IBTK: variants seen among roughly 807,000 people sequenced by gnomAD.
IBTK encodes the protein BTK-binding protein.
Under a neutral mutation model 154.9 loss-of-function variants are expected in IBTK, and 83 were observed. The observed-to-expected ratio is 0.54, with a 90% CI of 0.45 to 0.64. The LOEUF (loss-of-function observed/expected upper bound fraction) is 0.64, where lower values mean the gene tolerates loss of function less well. IBTK is among the 30% of genes least tolerant of loss of function. The pLI is 0.00. For missense variants in IBTK, 1,332 were observed against 1,584.6 expected (o/e 0.84, Z 2.71); for synonymous variants, 515 against 536.1 (o/e 0.96, Z 0.54).
chr6:82,194,674 C>T (rs1768913849), intron 22 of IBTK, 32 bp from the exon 23 acceptor site: 2 of 1,522,206 alleles, frequency 1.3e-6, no homozygotes, highest in Non-Finnish European at 1.8e-6. Context: ...AAAAAGTTAA[C>T]AGGCACCTAG....
intron 2 of IBTK, among the ~76,000 whole-genome samples, chr6:82,237,442 C>T (rs1770757429): frequency 1.3e-5 from 2 of 151,746 alleles, no homozygotes; most frequent in Non-Finnish European, 2.9e-5. Context: ...TGGATAGTCC[C>T]TGGGGGGGAA....
chr6:82,193,675 T>A (rs1412355499), intron 23 of IBTK, among the ~76,000 whole-genome samples: 1 of 152,176 alleles, frequency 6.6e-6, no homozygotes, highest in African/African-American at 2.4e-5. Context: ...CTGCTACTCA[T>A]TTAACTTTTC....
chr6:82,237,752 T>C lies in IBTK; in HGVS notation c.321+2414A>G, dbSNP rs191671193. 5.9e-5 allele frequency among the ~76,000 whole-genome samples: 9 copies of C among 151,406 alleles called. No homozygotes were observed. The East Asian group carries it at 7.7e-4, about 13-fold the overall frequency. On this transcript the variant is annotated intron_variant, in intron 2 of 28. Transcript: ENST00000306270. ...ACTCCACAAAAGAATATTTTACTAT[T>C]ACTATATAATAAAAATTATTCTTAT...
chr6:82,238,825 G>A (rs1770833505), intron 2 of IBTK, among the ~76,000 whole-genome samples: 2 of 152,028 alleles, frequency 1.3e-5, no homozygotes, highest in Non-Finnish European at 2.9e-5. Context: ...TGCAACCTCT[G>A]CCTCCTGGGC....
rs371267989 is a variant in IBTK at position 82,173,451 on chromosome 6, T to A, written c.3726-13A>T. 6.8e-6 allele frequency: 11 copies of A among 1,608,216 alleles called. No homozygotes were observed. The highest frequency in any genetic ancestry group is 9.4e-6 in the Non-Finnish European group (11 of 1,175,254). On this transcript the variant is annotated splice_polypyrimidine_tract_variant and intron_variant, in intron 26 of 28. Coordinates refer to ENST00000306270, the MANE Select transcript of IBTK (RefSeq NM_015525.4). ...ATGGGTAGAGCATCTGCAAAACAAA[T>A]GCCAAAATTAAAGATTAAAGCTTCT...
In IBTK at chr6:82,220,699, T is replaced by C; in HGVS notation, c.1139A>G (p.Lys380Arg). Residue 380 changes from lysine (K) to arginine (R), a missense_variant, in exon 9 of 29, where the codon AAA becomes AGA. This residue lies in a region of IBTK where 1,134 missense variants were observed against 1,274.7 expected (regional missense o/e 0.89). Transcript: ENST00000306270. Reference sequence around the variant, plus strand: ...ATGACCCCCAGACACAAGAACTTTTTTCAAGTTCAACTGTCTAGATGAAAA... The same window carrying C: ...ATGACCCCCAGACACAAGAACTTTTCTCAAGTTCAACTGTCTAGATGAAAA... ...KKMASKQLNL[K>R]KVLVSGGHME... 1.9e-6 allele frequency: 3 copies of C among 1,594,562 alleles called. No individual in the cohort carries two copies. The highest frequency in any genetic ancestry group is 2.2e-5 in the East Asian group (1 of 44,478).
chr6:82,188,430 A>G (rs1198082650), intron 25 of IBTK, among the ~76,000 whole-genome samples: 1 of 152,170 alleles, frequency 6.6e-6, no homozygotes, highest in Non-Finnish European at 1.5e-5. Context: ...ATAAAAATAA[A>G]TTAATTTATC....
At chr6:82,223,125 C>T (rs879430523) in intron 8 of IBTK, among the ~76,000 whole-genome samples, 3 of 151,396 alleles carry the variant, frequency 2.0e-5, no homozygotes, top group Non-Finnish European at 4.4e-5. Flanking sequence ...GAGAGTGTCA[C>T]GAATCAAGAA....
At position 82,170,528 on chromosome 6, in the gene IBTK, T is replaced by C. The variant is rs1483241265; in HGVS notation, c.*897A>G. On this transcript the variant is annotated 3_prime_UTR_variant, in exon 29 of 29. Transcript: ENST00000306270. ...AGAAAACAATTTTTATGTCTAGATA[T>C]ACAATTGAGGTTCAGAGAACTTCTG... 1 of 152,204 alleles carries C rather than the reference T, an allele frequency of 6.6e-6. No individual in the cohort carries two copies. Among genetic ancestry groups the C allele is most frequent in the African/African-American group, 2.4e-5 (1 of 41,452 alleles). The allele number at this position is 152,204 out of a possible 1,614,324, so 9.4% of individuals were successfully genotyped here. A position where few individuals can be genotyped will look rare whatever the true frequency, so the allele number is the denominator to read the frequency against.
chr6:82,204,853 TCA>T lies in IBTK; in HGVS notation c.2611+2_2611+3del, dbSNP rs1178473078. On this transcript the variant is annotated splice_donor_variant and splice_donor_region_variant and intron_variant, in intron 17 of 28. Transcript: ENST00000306270. LOFTEE classifies it high-confidence loss of function. ...TATTAATATTCAAACTCAAAATTAC[TCA>T]CGTTTTTCAGTTAATGCTACTTCAC... 2.0e-6 allele frequency: 3 copies of T among 1,534,896 alleles called. No individual in the cohort carries two copies. Among genetic ancestry groups the T allele is most frequent in the Non-Finnish European group, 2.7e-6 (3 of 1,121,150 alleles).
chr6:82,218,306 AT>A (rs1283060380), intron 9 of IBTK, among the ~76,000 whole-genome samples, 169 bp from the exon 10 acceptor site: 1 of 152,194 alleles, frequency 6.6e-6, no homozygotes, highest in Non-Finnish European at 1.5e-5. Context: ...AAAAATCAAG[AT>A]GATTTTAAAG....
In IBTK at chr6:82,191,704, A is replaced by T. The variant is rs754247443; in HGVS notation, c.3431+83T>A. 3.5e-6 allele frequency: 3 copies of T among 868,918 alleles called. No homozygotes were observed. The South Asian group carries it at 4.1e-5, about 12-fold the overall frequency. The allele number at this position is 868,918 out of a possible 1,614,324, so 53.8% of individuals were successfully genotyped here. ...ACTATAACATCAAATGCAGAAAAAT[A>T]ATAAGAAAGATGCAGTAAGTCTGTC... On this transcript the variant is annotated intron_variant, in intron 24 of 28. Transcript: ENST00000306270.
intron 27 of IBTK, chr6:82,173,041 GC>G (rs1380155191): frequency 5.9e-6 from 1 of 169,150 alleles, no homozygotes; most frequent in Admixed American, 7.4e-5. Flanking sequence ...TCACTGTGTC[GC>G]CCCGGCTGGA....
At chr6:82,181,828 A>G (rs1284769994) in intron 26 of IBTK, 51 bp downstream of exon 26, 92 of 1,305,422 alleles carry the variant, frequency 7.0e-5, no homozygotes, top group Non-Finnish European at 9.4e-5. Context: ...TAAAACCACC[A>G]CAGAATATTT....
At chr6:82,222,904 A>G (rs1376526597) in intron 8 of IBTK, among the ~76,000 whole-genome samples, 1 of 151,658 alleles carries the variant, frequency 6.6e-6, no homozygotes, top group Non-Finnish European at 1.5e-5. Context: ...TCTCAATTAA[A>G]AAAAAAAAAA....
At chr6:82,177,641 C>T (rs1768169077) in intron 26 of IBTK, among the ~76,000 whole-genome samples, 1 of 151,804 alleles carries the variant, frequency 6.6e-6, no homozygotes, top group Non-Finnish European at 1.5e-5. Flanking sequence ...CTTGAAGTCC[C>T]GACCTCAGGT....
At position 82,202,617 on chromosome 6, in the gene IBTK, C is replaced by T. The variant is rs1769252759; in HGVS notation, c.2640G>A (p.Leu880=). The stretch of plus-strand genomic sequence containing the variant: ...TTGCACTATACATTGCTGCAAATTC[C>T]AGTAGCATAGCAGCATTCTTCAGGG... The part of the protein sequence containing the change: ...KLTLKNAAML[L]EFAAMYSAKQ... The change falls in exon 18 of 29, where the codon CTG becomes CTA. Residue 880 remains leucine (L), a synonymous_variant. Coordinates refer to ENST00000306270, the MANE Select transcript of IBTK (RefSeq NM_015525.4). 1 of 1,603,102 alleles carries T rather than the reference C, an allele frequency of 6.2e-7. No homozygotes were observed. The highest frequency in any genetic ancestry group is 2.3e-5 in the East Asian group (1 of 44,170).
chr6:82,219,025 T>C (rs1358527450), intron 9 of IBTK, among the ~76,000 whole-genome samples: 1 of 152,120 alleles, frequency 6.6e-6, no homozygotes, highest in Non-Finnish European at 1.5e-5. Flanking sequence ...GTGATACACA[T>C]CCCAAAATCA....
chr6:82,242,369 CAAA>C (rs58265425), intron 1 of IBTK, among the ~76,000 whole-genome samples: 2 of 134,916 alleles, frequency 1.5e-5, no homozygotes, highest in Non-Finnish European at 1.6e-5. Context: ...AACTCTGTAT[CAAA>C]AAAAAAAAAA....
Sources: gnomAD v4.1 joint callset for allele counts (sites outside exome capture counted in the v4.1 genomes callset) on GRCh38, gnomAD v4.1.1 for gene constraint, gnomAD v4.1.1 regional missense constraint, MANE v1.5 for transcripts, NCBI Gene and HGNC (gene_info 2026-07-23, HGNC 2026-07-21) for gene names.